SNCG: variants seen among roughly 807,000 people sequenced by gnomAD.
The protein encoded by SNCG is synuclein gamma, also known as gamma-synuclein.
In SNCG, 13 loss-of-function variants were observed where a neutral mutation model predicts 16.0. The ratio of observed to expected loss-of-function variants is 0.81; its 90% CI spans 0.53 to 1.29. SNCG has a LOEUF of 1.29. SNCG is among the 50% of genes most tolerant of loss of function. The pLI is 0.00. For synonymous variants in SNCG, 66 were observed against 66.3 expected (o/e 1.00, Z 0.02); for missense variants, 154 against 168.5 (o/e 0.91, Z 0.48).
At chr10:86,958,524 A>G, upstream of SNCG, 2 of 253,798 alleles carry the variant, frequency 7.9e-6, no homozygotes, top group African/African-American at 3.2e-5. Context: ...CCCCGCCCCC[A>G]CTGCACGCAG....
chr10:86,958,497 T>TACCAACCAAC, upstream of SNCG: 3 of 1,098,082 alleles, frequency 2.7e-6, no homozygotes, highest in Non-Finnish European at 3.5e-6. Flanking sequence ...TGAACCTCCT[T>TACCAACCAAC]CCCTCCCTCC....
chr10:86,960,197 A>C, intron 3 of SNCG, 69 bp downstream of exon 3: 2 of 1,466,272 alleles, frequency 1.4e-6, no homozygotes, highest in South Asian at 2.5e-5. Context: ...CGGAGGCGGC[A>C]TCACTCCACT....
chr10:86,960,228 CG>C (rs1039347769), intron 3 of SNCG, 100 bp downstream of exon 3: 77 of 1,164,804 alleles, frequency 6.6e-5, no homozygotes, highest in South Asian at 2.9e-4. Flanking sequence ...GGAAACAACA[CG>C]GGGGGCTGCG....
Position 86,959,535 on chromosome 10 carries a change from C to G in SNCG, c.122-98C>G. 1 of 1,092,442 alleles carries G rather than the reference C, an allele frequency of 9.2e-7. No individual in the cohort carries two copies. The highest frequency in any genetic ancestry group is 1.4e-6 in the Non-Finnish European group (1 of 719,314). 67.7% of individuals were successfully genotyped at this position (1,092,442 alleles called of 1,614,324 possible). A position where few individuals can be genotyped will look rare whatever the true frequency, so the allele number is the denominator to read the frequency against. On this transcript the variant is annotated intron_variant, in intron 1 of 4. Coordinates refer to ENST00000372017, the MANE Select transcript of SNCG (RefSeq NM_003087.3). The surrounding 1 kb of genome is among the most constrained non-coding windows in gnomAD (Gnocchi z 4.3). ...CCCAGACACCATCCTTACCCCCCCACCGACCCCACAGTTTGTCCAGCTGTT... is the reference window on the plus strand; with the variant it reads ...CCCAGACACCATCCTTACCCCCCCAGCGACCCCACAGTTTGTCCAGCTGTT...
In SNCG at chr10:86,959,260, C is replaced by T. The variant is rs957153486; in HGVS notation, c.122-373C>T. The T allele has an allele frequency of 2.1e-5, 8 of 387,136 alleles. No individual in the cohort carries two copies. The highest frequency in any genetic ancestry group is 3.9e-5 in the South Asian group (1 of 25,340). 24.0% of individuals were successfully genotyped at this position (387,136 alleles called of 1,614,324 possible). A position where few individuals can be genotyped will look rare whatever the true frequency, so the allele number is the denominator to read the frequency against. On this transcript the variant is annotated intron_variant, in intron 1 of 4. Coordinates refer to ENST00000372017, the MANE Select transcript of SNCG (RefSeq NM_003087.3). The surrounding 1 kb of genome is among the most constrained non-coding windows in gnomAD (Gnocchi z 4.3). ...AACCTAGGCTCAGTGTTCCCTCCCC[C>T]GCATCCTCTCCTGGCACTCTCCAGA... is the stretch of plus-strand genomic sequence containing the variant.
chr10:86,959,427 C>T lies in SNCG; in HGVS notation c.122-206C>T. ...ACCTCAGGCCTGCTCTCTCTTGTCC[C>T]CCACATTCTGTCCTGTCCCCTTCCC... On this transcript the variant is annotated intron_variant, in intron 1 of 4. Coordinates refer to ENST00000372017, the MANE Select transcript of SNCG (RefSeq NM_003087.3). This position sits in a 1 kb window ranked among gnomAD's most constrained non-coding sequence, Gnocchi z 4.3. 1 of 606,360 alleles carries T rather than the reference C, an allele frequency of 1.6e-6. No homozygotes were observed. The allele number at this position is 606,360 out of a possible 1,614,324, so 37.6% of individuals were successfully genotyped here. A position where few individuals can be genotyped will look rare whatever the true frequency, so the allele number is the denominator to read the frequency against.
At position 86,959,664 on chromosome 10, in the gene SNCG, C is replaced by T. The variant is rs749950520; in HGVS notation, c.153C>T (p.Ser51=). 5.0e-6 allele frequency: 8 copies of T among 1,610,964 alleles called. No individual in the cohort carries two copies. The highest frequency in any genetic ancestry group is 1.3e-5 in the African/African-American group (1 of 74,948). ...GAKTKENVVQ[S]VTSVAEKTKE... is the part of the protein sequence containing the mutation. ...AGACCAAGGAGAATGTTGTACAGAG[C>T]GTGACCTCAGGTGAGAAGCCCCAGG... Residue 51 remains serine, a synonymous_variant, in exon 2 of 5, where the codon AGC becomes AGT. Transcript: ENST00000372017. This position sits in a 1 kb window ranked among gnomAD's most constrained non-coding sequence, Gnocchi z 4.3.
At chr10:86,958,497 T>TACCAACCAAACA, upstream of SNCG, 1 of 1,098,146 alleles carries the variant, frequency 9.1e-7, no homozygotes. Flanking sequence ...TGAACCTCCT[T>TACCAACCAAACA]CCCTCCCTCC....
upstream of SNCG, among the ~76,000 whole-genome samples, chr10:86,956,644 C>T (rs746884435): frequency 1.3e-5 from 2 of 152,232 alleles, no homozygotes; most frequent in Non-Finnish European, 2.9e-5. Flanking sequence ...GAGCCTCAGG[C>T]TCCTCCTCTG....
chr10:86,960,540 C>T (rs908289600), intron 3 of SNCG, among the ~76,000 whole-genome samples: 7 of 152,156 alleles, frequency 4.6e-5, no homozygotes, highest in African/African-American at 1.7e-4. Context: ...CCTAGCCTCC[C>T]TCCCTGGGCT....
At chr10:86,958,497 T>TGCCAACCAACC, upstream of SNCG, 4 of 1,098,084 alleles carry the variant, frequency 3.6e-6, no homozygotes, top group Non-Finnish European at 4.6e-6. Context: ...TGAACCTCCT[T>TGCCAACCAACC]CCCTCCCTCC....
chr10:86,958,502 C>CCCCA, upstream of SNCG: 1 of 504,852 alleles, frequency 2.0e-6, no homozygotes, highest in Non-Finnish European at 3.1e-6. Context: ...CTCCTTCCCT[C>CCCCA]CCTCCCTCCC....
Position 86,962,973 on chromosome 10 carries a change from TG to T in SNCG, c.377del (p.Gly126GlufsTer33). The stretch of plus-strand genomic sequence containing the variant: ...GTCATTCTCTCTCCCAGGCCCAGAG[TG>T]GGGGAGACTAGAGGGCTACAGGCCA... ...KEEVAEEAQSGGD is the reference protein window; with the variant it reads ...KEEVAEEAQSXGD On this transcript the variant is annotated frameshift_variant, in exon 5 of 5. Transcript: ENST00000372017. LOFTEE classifies it high-confidence loss of function. The T allele has an allele frequency of 6.2e-7, 1 of 1,603,294 alleles. No individual in the cohort carries two copies. The highest frequency in any genetic ancestry group is 1.1e-5 in the South Asian group (1 of 88,072).
chr10:86,959,627 C>T lies in SNCG; in HGVS notation c.122-6C>T. 1.2e-6 allele frequency: 2 copies of T among 1,613,606 alleles called. No individual in the cohort carries two copies. Among genetic ancestry groups the T allele is most frequent in the Middle Eastern group, 1.7e-4 (1 of 6,058 alleles). ...GTCTGGGCTGACAGCTCCATTTCCT[C>T]CCCAGGAGCCAAGACCAAGGAGAAT... On this transcript the variant is annotated splice_region_variant and splice_polypyrimidine_tract_variant and intron_variant, in intron 1 of 4. Transcript: ENST00000372017. The surrounding 1 kb of genome is among the most constrained non-coding windows in gnomAD (Gnocchi z 4.3).
In SNCG at chr10:86,958,620, C is replaced by A; in HGVS notation, c.-78C>A. 6.3e-7 allele frequency: 1 copy of A among 1,594,562 alleles called. No homozygotes were observed. The highest frequency in any genetic ancestry group is 1.1e-5 in the South Asian group (1 of 89,122). The stretch of plus-strand genomic sequence containing the variant: ...CGGGGACAGCCGCTGCGGCAGCACT[C>A]GAGCCAGCTCAAGCCCGCAGCTCGC... On this transcript the variant is annotated 5_prime_UTR_variant, in exon 1 of 5. Coordinates refer to ENST00000372017, the MANE Select transcript of SNCG (RefSeq NM_003087.3).
upstream of SNCG, among the ~76,000 whole-genome samples, chr10:86,956,074 G>T (rs1409149291): frequency 6.6e-6 from 1 of 152,118 alleles, no homozygotes; most frequent in Non-Finnish European, 1.5e-5. Context: ...GGTGGCCTGA[G>T]ACTAAGGCGT....
chr10:86,962,492 C>T lies in SNCG; in HGVS notation c.292-112C>T, dbSNP rs563621755. 197 of 695,680 alleles carry T rather than the reference C, an allele frequency of 2.8e-4. No homozygotes were observed. In the African/African-American group the frequency reaches 2.9e-3, roughly 10 times the overall value. 43.1% of individuals were successfully genotyped at this position (695,680 alleles called of 1,614,324 possible). ...AGCCCCTCCAAGTACAACAAGGCCA[C>T]GAGGGGCCTCTGCTCCTCCTTGAGG... On this transcript the variant is annotated intron_variant, in intron 3 of 4. Coordinates refer to ENST00000372017, the MANE Select transcript of SNCG (RefSeq NM_003087.3).
intron 4 of SNCG, 38 bp downstream of exon 4, chr10:86,962,713 C>A (rs377722581): frequency 5.2e-6 from 8 of 1,530,848 alleles, no homozygotes; most frequent in Non-Finnish European, 7.2e-6. Context: ...ATGGGGGGTT[C>A]CTTGGTAGGG....
In SNCG at chr10:86,961,373, G is replaced by A. The variant is rs117499753; in HGVS notation, c.292-1231G>A. 4.7e-3 allele frequency among the ~76,000 whole-genome samples: 718 copies of A among 152,152 alleles called. 8 individuals carry two copies. The highest frequency in any genetic ancestry group is 4.7e-3 in the Non-Finnish European group (322 of 67,980). ...TGTCGGCCTCCCTGGGCTGTGTGATGAGGCAGGGCCATGACCTCCATGAAG... is the reference window on the plus strand; with the variant it reads ...TGTCGGCCTCCCTGGGCTGTGTGATAAGGCAGGGCCATGACCTCCATGAAG... On this transcript the variant is annotated intron_variant, in intron 3 of 4. Coordinates refer to ENST00000372017, the MANE Select transcript of SNCG (RefSeq NM_003087.3).
Sources: gnomAD v4.1 joint callset for allele counts (sites outside exome capture counted in the v4.1 genomes callset) on GRCh38, gnomAD v4.1.1 for gene constraint, Gnocchi (gnomAD v3.1) non-coding constraint, MANE v1.5 for transcripts, NCBI Gene and HGNC (gene_info 2026-07-23, HGNC 2026-07-21) for gene names.